NOC2L: variants seen among roughly 807,000 people sequenced by gnomAD.
The protein encoded by NOC2L is nucleolar complex protein 2 homolog.
A neutral mutation model predicts 94.2 loss-of-function variants in NOC2L; 101 were observed. The ratio of observed to expected loss-of-function variants is 1.07; its 90% CI spans 0.91 to 1.26. The LOEUF (loss-of-function observed/expected upper bound fraction) is 1.26. Among genes scored for constraint, NOC2L ranks in the 50% most tolerant of loss-of-function variants. The probability of loss-of-function intolerance (pLI) is 0.00; values close to 1 mark genes in which losing one functional copy is unlikely to be tolerated. For synonymous variants in NOC2L, 531 were observed against 413.4 expected (o/e 1.28, Z -3.45); for missense variants, 1,076 against 980.1 (o/e 1.10, Z -1.31).
intron 6 of NOC2L, 46 bp downstream of exon 6, chr1:955,877 C>G: frequency 1.3e-6 from 2 of 1,510,266 alleles, no homozygotes; most frequent in South Asian, 1.1e-5. Flanking sequence ...GTGTGTGGTC[C>G]CGACCCACCT....
In NOC2L at chr1:951,885, C is replaced by A. The variant is rs41285800; in HGVS notation, c.1331+115G>T. The stretch of plus-strand genomic sequence containing the variant: ...GACCCCAGCCCTTCCTCAGGGACGG[C>A]CAGGACACAGACTCAGGCCCCAAGG... On this transcript the variant is annotated intron_variant, in intron 11 of 18. Transcript: ENST00000327044. 7.0e-3 allele frequency: 8,576 copies of A among 1,219,362 alleles called. 44 individuals are homozygous for A. The highest frequency in any genetic ancestry group is 0.018 in the Middle Eastern group (61 of 3,420). The allele number at this position is 1,219,362 out of a possible 1,614,324, so 75.5% of individuals were successfully genotyped here.
chr1:953,980 G>A lies in NOC2L; in HGVS notation c.777+24C>T, dbSNP rs376173423. 12 of 1,602,218 alleles carry A rather than the reference G, an allele frequency of 7.5e-6. No individual in the cohort carries two copies. The Admixed American group carries it at 1.2e-4, about 16-fold the overall frequency. On this transcript the variant is annotated intron_variant, in intron 7 of 18. Coordinates refer to ENST00000327044, the MANE Select transcript of NOC2L (RefSeq NM_015658.4). Reference sequence around the variant, plus strand: ...GACCACCAGATACAGCCAGGCCCCCGTGCCCTCCCCACCAGAATAGCACCT... The same window carrying A: ...GACCACCAGATACAGCCAGGCCCCCATGCCCTCCCCACCAGAATAGCACCT...
chr1:949,605 G>A (rs184781155), intron 12 of NOC2L, among the ~76,000 whole-genome samples: 1 of 152,348 alleles, frequency 6.6e-6, no homozygotes, highest in East Asian at 1.9e-4. Flanking sequence ...AACCAGGGCA[G>A]TGCACAAGTG....
intron 6 of NOC2L, 106 bp downstream of exon 6, chr1:955,817 G>A (rs1642384993): frequency 2.1e-6 from 2 of 970,828 alleles, no homozygotes; most frequent in Middle Eastern, 2.8e-4. Context: ...AGAAGACGCT[G>A]GCTCTGTTGC....
At position 952,417 on chromosome 1, in the gene NOC2L, T is replaced by C. The variant is rs1442807386; in HGVS notation, c.1186A>G (p.Lys396Glu). Residue 396 changes from lysine (K) to glutamate (E), a missense_variant, in exon 10 of 19, where the codon AAG becomes GAG. Physicochemically the swap from Lys to Glu is moderately conservative, Grantham distance 56 (BLOSUM62 1). Coordinates refer to ENST00000327044, the MANE Select transcript of NOC2L (RefSeq NM_015658.4). The stretch of plus-strand genomic sequence containing the variant: ...GGAAGGGCCCCACCACACACCTTCT[T>C]GCGAGTGGTCATGGCGTTGCGCAGG... ...IHLRNAMTTRKKETYQSVYNW... is the reference protein window; with the variant it reads ...IHLRNAMTTREKETYQSVYNW... 6.2e-7 allele frequency: 1 copy of C among 1,613,186 alleles called. No homozygotes were observed. The highest frequency in any genetic ancestry group is 8.5e-7 in the Non-Finnish European group (1 of 1,179,750).
intron 8 of NOC2L, 74 bp downstream of exon 8, chr1:953,708 G>A: frequency 1.8e-6 from 2 of 1,116,012 alleles, no homozygotes; most frequent in Admixed American, 1.8e-5. Flanking sequence ...CTGGCCAGGA[G>A]TGGGATGTGG....
chr1:945,369 G>A, intron 17 of NOC2L, 149 bp downstream of exon 17: 1 of 1,065,672 alleles, frequency 9.4e-7, no homozygotes, highest in East Asian at 2.6e-5. Flanking sequence ...GCTGGCACCA[G>A]AAGCCTGGCA....
Position 945,667 on chromosome 1 carries a change from G to C in NOC2L, c.1918-14C>G, listed in dbSNP as rs777998404. 9 of 1,614,008 alleles carry C rather than the reference G, an allele frequency of 5.6e-6. No individual in the cohort carries two copies. In the East Asian group the frequency reaches 2.0e-4, roughly 36 times the overall value. On this transcript the variant is annotated splice_polypyrimidine_tract_variant and intron_variant, in intron 16 of 18. Coordinates refer to ENST00000327044, the MANE Select transcript of NOC2L (RefSeq NM_015658.4). ...CAGGTCTTCCAGCTGGAAGGCCAAA[G>C]AACCAGGGGCTCAGGTGAGAGAGGG...
At chr1:946,662 G>C in intron 14 of NOC2L, 117 bp from the exon 15 acceptor site, 1 of 1,260,188 alleles carries the variant, frequency 7.9e-7, no homozygotes, top group Non-Finnish European at 1.1e-6. Context: ...AGGGGACATG[G>C]ATCCCATCTC....
chr1:956,025 A>C lies in NOC2L; in HGVS notation c.608-12T>G, dbSNP rs933432445. 6.2e-7 allele frequency: 1 copy of C among 1,613,974 alleles called. No individual in the cohort carries two copies. Among genetic ancestry groups the C allele is most frequent in the African/African-American group, 1.3e-5 (1 of 74,914 alleles). ...CAGAGCATTGAATGCTGCAACGAAA[A>C]GGCCTGGATGTACTCACGGGACAGA... On this transcript the variant is annotated splice_polypyrimidine_tract_variant and intron_variant, in intron 5 of 18. Coordinates refer to ENST00000327044, the MANE Select transcript of NOC2L (RefSeq NM_015658.4).
At position 944,486 on chromosome 1, in the gene NOC2L, T is replaced by A. The variant is rs1027612525; in HGVS notation, c.*208A>T. On this transcript the variant is annotated 3_prime_UTR_variant, in exon 19 of 19. Coordinates refer to ENST00000327044, the MANE Select transcript of NOC2L (RefSeq NM_015658.4). ...GGAGCTGACTTCAGCAGCCCACAGC[T>A]GTGGGGCTTCAGCAGCCACACCAGC... 7.3e-6 allele frequency: 5 copies of A among 680,596 alleles called. No homozygotes were observed. The Admixed American group carries it at 1.4e-4, about 19-fold the overall frequency. 42.2% of individuals were successfully genotyped at this position (680,596 alleles called of 1,614,324 possible). A position where few individuals can be genotyped will look rare whatever the true frequency, so the allele number is the denominator to read the frequency against.
At chr1:955,514 T>C (rs1455829098) in intron 6 of NOC2L, among the ~76,000 whole-genome samples, 1 of 152,198 alleles carries the variant, frequency 6.6e-6, no homozygotes, top group East Asian at 1.9e-4. Context: ...TTCTCAGCAT[T>C]GATGAGGCCC....
In NOC2L at chr1:959,229, C is replaced by G. The variant is rs965313571; in HGVS notation, c.12G>C (p.Ala4=). 6 of 1,607,048 alleles carry G rather than the reference C, an allele frequency of 3.7e-6. No homozygotes were observed. The highest frequency in any genetic ancestry group is 2.2e-5 in the East Asian group (1 of 44,498). MAA[A]GSRKRRLAEL... ...CCGCGGCTTACCTCTTGCGGCTCCCCGCAGCTGCCATGACACCAACCCGAA... is the reference window on the plus strand; with the variant it reads ...CCGCGGCTTACCTCTTGCGGCTCCCGGCAGCTGCCATGACACCAACCCGAA... Residue 4 remains alanine, a synonymous_variant, in exon 1 of 19, where the codon GCG becomes GCC. Transcript: ENST00000327044.
chr1:954,820 T>C (rs1642359094), intron 6 of NOC2L, among the ~76,000 whole-genome samples: 2 of 149,272 alleles, frequency 1.3e-5, no homozygotes, highest in African/African-American at 4.9e-5. Context: ...AGATCCTATC[T>C]CGTAAGGAAA....
chr1:945,270 G>C (rs1642070217), intron 17 of NOC2L, 124 bp from the exon 18 acceptor site: 2 of 1,278,696 alleles, frequency 1.6e-6, no homozygotes, highest in African/African-American at 3.0e-5. Flanking sequence ...CCAGCAGGTG[G>C]AGAGGAGCCC....
At chr1:957,320 G>A (rs2100397962) in intron 2 of NOC2L, 47 bp from the exon 3 acceptor site, 1 of 1,591,118 alleles carries the variant, frequency 6.3e-7, no homozygotes, top group East Asian at 2.2e-5. Flanking sequence ...GGAAGTAGAG[G>A]GGGCGGGGAG....
At chr1:955,792 T>C in intron 6 of NOC2L, 131 bp downstream of exon 6, 2 of 804,646 alleles carry the variant, frequency 2.5e-6, no homozygotes, top group Non-Finnish European at 4.1e-6. Context: ...CCCCGCTGCC[T>C]TCTCAGGGTC....
At chr1:951,083 A>T in intron 12 of NOC2L, 44 bp downstream of exon 12, 2 of 1,397,846 alleles carry the variant, frequency 1.4e-6, no homozygotes, top group Non-Finnish European at 2.0e-6. Flanking sequence ...TGCTCCCTAC[A>T]GGAGCAGGCA....
chr1:957,183 A>T lies in NOC2L; in HGVS notation c.270T>A (p.Asn90Lys). 1 of 1,614,056 alleles carries T rather than the reference A, an allele frequency of 6.2e-7. No individual in the cohort carries two copies. Among genetic ancestry groups the T allele is most frequent in the East Asian group, 2.2e-5 (1 of 44,890 alleles). Residue 90 changes from asparagine (N) to lysine (K), a missense_variant, in exon 3 of 19, where the codon AAT becomes AAA. Asn to Lys is a moderately conservative substitution (Grantham distance 94). Around this residue, in one of 3 missense-constraint regions of NOC2L, gnomAD observed 457 missense variants for 386.0 expected, o/e 1.18. Transcript: ENST00000327044. The stretch of plus-strand genomic sequence containing the variant: ...CGCTGAAGTTTAGCAGGCTCTGGTC[A>T]TTCTCCTGCAGGAACTTGTAGAACT... ...DPEFYKFLQENDQSLLNFSDS... is the reference protein window; with the variant it reads ...DPEFYKFLQEKDQSLLNFSDS...
Sources: allele counts gnomAD v4.1 joint callset (sites outside exome capture counted in the v4.1 genomes callset), GRCh38; gene constraint gnomAD v4.1.1; regional missense constraint gnomAD v4.1.1; transcripts MANE v1.5; gene names NCBI Gene and HGNC (gene_info 2026-07-23, HGNC 2026-07-21).